DNM3: variants seen among roughly 807,000 people sequenced by gnomAD.
DNM3 encodes dynamin-3.
DNM3 carries 47 observed loss-of-function variants against 101.6 expected under a neutral mutation model. The observed-to-expected ratio is 0.46, with a 90% CI of 0.37 to 0.59. The LOEUF (loss-of-function observed/expected upper bound fraction) is 0.59, where lower values mean the gene tolerates loss of function less well. Ranked by LOEUF, DNM3 falls within the 20% of genes least tolerant of loss-of-function variation. The pLI is 0.00. For synonymous variants in DNM3, 385 were observed against 387.9 expected (o/e 0.99, Z 0.09); for missense variants, 849 against 1,085.7 (o/e 0.78, Z 3.06).
At chr1:172,059,114 T>G (rs367629223) in intron 10 of DNM3, among the ~76,000 whole-genome samples, 5 of 151,186 alleles carry the variant, frequency 3.3e-5, no homozygotes, top group Admixed American at 1.3e-4. Flanking sequence ...ATAAATTCCT[T>G]GACACATACA....
intron 14 of DNM3, among the ~76,000 whole-genome samples, chr1:172,245,359 A>G (rs1000873416): frequency 1.4e-4 from 21 of 152,216 alleles, no homozygotes; most frequent in Non-Finnish European, 2.4e-4. Context: ...CTTAGAAAGT[A>G]AGACAAAAGC....
chr1:172,153,777 G>A (rs1383581614), intron 14 of DNM3, among the ~76,000 whole-genome samples: 1 of 152,138 alleles, frequency 6.6e-6, no homozygotes, highest in South Asian at 2.1e-4. Context: ...AAAACAAATA[G>A]CTCCCAAACT....
chr1:172,016,666 A>G (rs1384585675), intron 4 of DNM3, among the ~76,000 whole-genome samples: 1 of 152,156 alleles, frequency 6.6e-6, no homozygotes, highest in East Asian at 1.9e-4. Context: ...ATTGTGGAAA[A>G]TTGGTATGAT....
chr1:172,005,215 T>G (rs916618898), intron 4 of DNM3, among the ~76,000 whole-genome samples: 1 of 152,194 alleles, frequency 6.6e-6, no homozygotes, highest in East Asian at 1.9e-4. Context: ...CTTTTAGGAC[T>G]GTTTTGATAT....
intron 13 of DNM3, among the ~76,000 whole-genome samples, chr1:172,103,827 C>A (rs557905562): frequency 6.6e-6 from 1 of 152,192 alleles, no homozygotes; most frequent in East Asian, 1.9e-4. Context: ...ATAGTGAAAC[C>A]CCATCTCTAC....
At chr1:171,909,628 C>T (rs979712319) in intron 1 of DNM3, among the ~76,000 whole-genome samples, 1 of 152,162 alleles carries the variant, frequency 6.6e-6, no homozygotes, top group Non-Finnish European at 1.5e-5. Context: ...CATACCACCT[C>T]TTCTCTCTTG....
intron 14 of DNM3, among the ~76,000 whole-genome samples, chr1:172,146,145 A>T (rs2057884273): frequency 6.6e-6 from 1 of 152,206 alleles, no homozygotes; most frequent in Non-Finnish European, 1.5e-5. Flanking sequence ...GTACAGCCAA[A>T]GCAATTCATT....
chr1:172,033,026 C>G (rs936189676), intron 5 of DNM3, 79 bp from the exon 6 acceptor site: 14 of 1,519,130 alleles, frequency 9.2e-6, no homozygotes, highest in Non-Finnish European at 1.2e-5. Flanking sequence ...CTTACTCTGC[C>G]TATGTGAGAG....
chr1:172,294,383 T>C (rs2064058961), intron 15 of DNM3, among the ~76,000 whole-genome samples: 1 of 152,196 alleles, frequency 6.6e-6, no homozygotes, highest in African/African-American at 2.4e-5. Flanking sequence ...GTTTATTCCA[T>C]TGTGTTTTCA....
chr1:171,936,443 G>A (rs1202373959), intron 2 of DNM3, among the ~76,000 whole-genome samples: 1 of 152,028 alleles, frequency 6.6e-6, no homozygotes, highest in Non-Finnish European at 1.5e-5. Context: ...TTTGTCTCCT[G>A]GATAATTTTT....
intron 1 of DNM3, among the ~76,000 whole-genome samples, chr1:171,863,637 C>T (rs1421115479): frequency 1.3e-5 from 2 of 152,164 alleles, no homozygotes; most frequent in African/African-American, 4.8e-5. Flanking sequence ...GGTCTGCCAT[C>T]TGTCTTTATG....
chr1:172,015,012 T>A (rs994555527), intron 4 of DNM3, among the ~76,000 whole-genome samples: 1 of 141,054 alleles, frequency 7.1e-6, no homozygotes, highest in African/African-American at 3.0e-5. Flanking sequence ...GTCCAGTTTT[T>A]TCAGCAAAAT....
chr1:172,411,136 G>C lies in DNM3; in HGVS notation c.*3295G>C. On this transcript the variant is annotated 3_prime_UTR_variant, in exon 21 of 21. Transcript: ENST00000627582. The stretch of plus-strand genomic sequence containing the variant: ...TGGTTGTAAATATCTATGTATACAT[G>C]TACTTAGTATGTGTGGTATCAGGAT... 1.0e-5 allele frequency: 10 copies of C among 984,094 alleles called. No homozygotes were observed. Among genetic ancestry groups the C allele is most frequent in the Non-Finnish European group, 1.2e-5 (10 of 828,808 alleles). The allele number at this position is 984,094 out of a possible 1,614,324, so 61.0% of individuals were successfully genotyped here.
intron 13 of DNM3, among the ~76,000 whole-genome samples, chr1:172,105,989 C>T (rs1166249751): frequency 6.6e-6 from 1 of 152,080 alleles, no homozygotes; most frequent in Non-Finnish European, 1.5e-5. Context: ...TGTGTAGTTA[C>T]ATCTTTTATT....
intron 1 of DNM3, among the ~76,000 whole-genome samples, chr1:171,851,460 A>G (rs2032952928): frequency 6.6e-6 from 1 of 152,206 alleles, no homozygotes; most frequent in African/African-American, 2.4e-5. Flanking sequence ...TCCCGGCTGA[A>G]GTGCAGTGAG....
chr1:172,199,344 A>C (rs1285456876), intron 14 of DNM3, among the ~76,000 whole-genome samples: 2 of 152,026 alleles, frequency 1.3e-5, no homozygotes, highest in Non-Finnish European at 2.9e-5. Context: ...GGTCTATTTT[A>C]GAGTACATGC....
chr1:172,164,232 C>CTT (rs3980440), intron 14 of DNM3, among the ~76,000 whole-genome samples: 6,942 of 126,556 alleles, frequency 0.055, 645 homozygotes, highest in African/African-American at 0.18. Flanking sequence ...CTTTTCTTTT[C>CTT]TTTTTTTTTT....
chr1:172,152,499 A>T (rs2058174341), intron 14 of DNM3, among the ~76,000 whole-genome samples: 1 of 152,060 alleles, frequency 6.6e-6, no homozygotes, highest in Non-Finnish European at 1.5e-5. Context: ...TCACCCTGTG[A>T]TTCTTATACG....
At chr1:172,074,188 A>G (rs1217926557) in intron 11 of DNM3, among the ~76,000 whole-genome samples, 1 of 152,156 alleles carries the variant, frequency 6.6e-6, no homozygotes, top group African/African-American at 2.4e-5. Context: ...AGCTAGTGTT[A>G]GTGCTACAAA....
Sources: gnomAD v4.1 joint callset for allele counts (sites outside exome capture counted in the v4.1 genomes callset) on GRCh38, gnomAD v4.1.1 for gene constraint, MANE v1.5 for transcripts, NCBI Gene and HGNC (gene_info 2026-07-23, HGNC 2026-07-21) for gene names.